KRT82: variants seen among roughly 807,000 people sequenced by gnomAD.
The protein encoded by KRT82 is keratin 82.
Under a neutral mutation model 48.0 loss-of-function variants are expected in KRT82, and 44 were observed. The ratio of observed to expected loss-of-function variants is 0.92; its 90% CI spans 0.72 to 1.18. The LOEUF is 1.18. KRT82 is among the 50% of genes most tolerant of loss of function. The probability of loss-of-function intolerance (pLI) is 0.00; values close to 1 mark genes in which losing one functional copy is unlikely to be tolerated. For synonymous variants in KRT82, 297 were observed against 278.3 expected (o/e 1.07, Z -0.67); for missense variants, 701 against 671.4 (o/e 1.04, Z -0.49).
At chr12:52,402,555 A>G (rs1939803371) in intron 2 of KRT82, 1 of 152,152 alleles carries the variant, frequency 6.6e-6, no homozygotes, top group Non-Finnish European at 1.5e-5. Context: ...GGAATGAGCC[A>G]TTATCCTCCA....
intron 1 of KRT82, 100 bp from the exon 2 acceptor site, chr12:52,404,009 G>T: frequency 1.7e-6 from 2 of 1,155,926 alleles, no homozygotes; most frequent in Non-Finnish European, 2.4e-6. Flanking sequence ...CCCAACACAT[G>T]GCTACCAGTG....
At chr12:52,399,260 C>G (rs1335447063) in intron 5 of KRT82, among the ~76,000 whole-genome samples, 1 of 152,242 alleles carries the variant, frequency 6.6e-6, no homozygotes, top group African/African-American at 2.4e-5. Context: ...ATCCATCACC[C>G]TGCCCCTCCA....
At position 52,395,161 on chromosome 12, in the gene KRT82, C is replaced by G. The variant is rs1732263; in HGVS notation, c.1356G>C (p.Glu452Asp). ...GGACAGGCGTGCTGACCCCACATGG[C>G]TCGTACAGGAAGGCGCCTTTGGAGC... ...VSSSKGAFLYEPCGVSTPVLS... is the reference protein window; with the variant it reads ...VSSSKGAFLYDPCGVSTPVLS... The change falls in exon 9 of 9, where the codon GAG becomes GAC. Residue 452 changes from glutamate to aspartate, a missense_variant. Coordinates refer to ENST00000257974, the MANE Select transcript of KRT82 (RefSeq NM_033033.4). 0.047 allele frequency: 75,662 copies of G among 1,613,878 alleles called. 2,825 individuals carry two copies. Among genetic ancestry groups the G allele is most frequent in the African/African-American group, 0.19 (14,006 of 74,946 alleles).
chr12:52,406,217 A>C lies in KRT82; in HGVS notation c.61T>G (p.Ser21Ala). 3 of 1,612,356 alleles carry C rather than the reference A, an allele frequency of 1.9e-6. No homozygotes were observed. The highest frequency in any genetic ancestry group is 2.5e-6 in the Non-Finnish European group (3 of 1,179,138). ...GTGACCATCCGGGGCATGACAGCCG[A>C]GTATGAGCTGAAACTCTGACTGCCA... The part of the protein sequence containing the change: ...RCGSQSFSSY[S>A]AVMPRMVTHY... Residue 21 changes from serine (S) to alanine (A), a missense_variant, in exon 1 of 9, where the codon TCG (serine) becomes GCG (alanine). Transcript: ENST00000257974.
chr12:52,402,194 A>G (rs1335110152), intron 2 of KRT82: 1 of 152,274 alleles, frequency 6.6e-6, no homozygotes, highest in African/African-American at 2.4e-5. Flanking sequence ...ACATGCATTA[A>G]TACCTGAAGA....
Position 52,395,071 on chromosome 12 carries a change from G to C in KRT82, c.1446C>G (p.Val482=), listed in dbSNP as rs764032800. The change falls in exon 9 of 9, where the codon GTC becomes GTG. Residue 482 remains valine (V), a synonymous_variant. Transcript: ENST00000257974. ...TCAGTAGCCCCTGGGGCTCGCAGGG[G>C]ACATAGAGTTCACCAGTGCCCACGA... ...CSIVGTGELY[V]PCEPQGLLSC... 1.9e-6 allele frequency: 3 copies of C among 1,614,032 alleles called. No individual in the cohort carries two copies. Among genetic ancestry groups the C allele is most frequent in the South Asian group, 2.2e-5 (2 of 91,068 alleles).
chr12:52,397,977 G>A (rs1429481731), intron 5 of KRT82, among the ~76,000 whole-genome samples: 1 of 152,132 alleles, frequency 6.6e-6, no homozygotes, highest in African/African-American at 2.4e-5. Context: ...AACCTGGGAG[G>A]CAGAGGTTGC....
intron 2 of KRT82, chr12:52,402,252 CT>C (rs1259094424): frequency 1.3e-5 from 2 of 152,278 alleles, no homozygotes; most frequent in Non-Finnish European, 2.9e-5. Context: ...AAAGTGTTTG[CT>C]ATTATTCTTA....
intron 4 of KRT82, 45 bp downstream of exon 4, chr12:52,400,482 T>C: frequency 6.8e-7 from 1 of 1,467,424 alleles, no homozygotes; most frequent in Non-Finnish European, 9.6e-7. Flanking sequence ...CTCGATCCCT[T>C]GGCTCCAGCC....
At chr12:52,401,416 A>G (rs1008514496) in intron 2 of KRT82, 67 bp from the exon 3 acceptor site, 10 of 1,530,882 alleles carry the variant, frequency 6.5e-6, no homozygotes, top group Non-Finnish European at 8.1e-6. Context: ...TCTTGGCATC[A>G]GGCCTTTGGG....
In KRT82 at chr12:52,403,833, G is replaced by A. The variant is rs61730590; in HGVS notation, c.488C>T (p.Thr163Ile). The change falls in exon 2 of 9, where the codon ACC becomes ATC. Residue 163 changes from threonine (T) to isoleucine (I), a missense_variant. Thr to Ile is a moderately conservative substitution (Grantham distance 89). Transcript: ENST00000257974. ...NFMQQQRCCQ[T>I]NIEPIFEGYI... ...GCCCTCGAAGATGGGCTCGATGTTG[G>A]TCTGGCAGCACCTCTGCTGCTGCAT... The A allele has an allele frequency of 5.9e-3, 9,559 of 1,613,926 alleles. 34 individuals are homozygous for A. Among genetic ancestry groups the A allele is most frequent in the Non-Finnish European group, 6.7e-3 (7,907 of 1,179,998 alleles).
intron 7 of KRT82, 40 bp downstream of exon 7, chr12:52,395,972 C>A: frequency 6.2e-7 from 1 of 1,612,654 alleles, no homozygotes; most frequent in East Asian, 2.2e-5. Context: ...AATGGCCATA[C>A]CTGGTAGCCC....
chr12:52,401,761 G>T (rs1336344501), intron 2 of KRT82, among the ~76,000 whole-genome samples: 1 of 152,118 alleles, frequency 6.6e-6, no homozygotes, highest in Non-Finnish European at 1.5e-5. Flanking sequence ...CGCTGGGAGG[G>T]TTCAGAGCCT....
chr12:52,397,914 G>A (rs1939735919), intron 5 of KRT82, among the ~76,000 whole-genome samples: 2 of 152,136 alleles, frequency 1.3e-5, no homozygotes, highest in African/African-American at 4.8e-5. Flanking sequence ...GAGTATGGTG[G>A]TGCATGCTTA....
chr12:52,402,820 C>A (rs920496573), intron 2 of KRT82, among the ~76,000 whole-genome samples: 1 of 152,206 alleles, frequency 6.6e-6, no homozygotes, highest in Non-Finnish European at 1.5e-5. Context: ...CTGACCCAAA[C>A]CCTTATGACC....
At chr12:52,399,334 T>A (rs1049945210) in intron 5 of KRT82, among the ~76,000 whole-genome samples, 6 of 152,246 alleles carry the variant, frequency 3.9e-5, no homozygotes, top group African/African-American at 1.4e-4. Context: ...GACTAGTGTC[T>A]GTTCTGTTCC....
At chr12:52,404,930 C>T (rs936815819) in intron 1 of KRT82, among the ~76,000 whole-genome samples, 2 of 152,176 alleles carry the variant, frequency 1.3e-5, no homozygotes, top group Non-Finnish European at 2.9e-5. Context: ...CCGGGGATTC[C>T]GGGTGTAGGA....
At position 52,395,177 on chromosome 12, in the gene KRT82, C is replaced by A; in HGVS notation, c.1340G>T (p.Gly447Val). Residue 447 changes from glycine to valine, a missense_variant, in exon 9 of 9, where the codon GGC (glycine) becomes GTC (valine). Coordinates refer to ENST00000257974, the MANE Select transcript of KRT82 (RefSeq NM_033033.4). Reference protein sequence around the residue: ...PVNISVSSSKGAFLYEPCGVS... With the variant: ...PVNISVSSSKVAFLYEPCGVS... ...CCCACATGGCTCGTACAGGAAGGCGCCTTTGGAGCTGCTCACTGCTGTGGG... is the reference window on the plus strand; with the variant it reads ...CCCACATGGCTCGTACAGGAAGGCGACTTTGGAGCTGCTCACTGCTGTGGG... The A allele has an allele frequency of 6.2e-7, 1 of 1,613,860 alleles. No individual in the cohort carries two copies. The highest frequency in any genetic ancestry group is 8.5e-7 in the Non-Finnish European group (1 of 1,179,922).
chr12:52,400,596 C>T lies in KRT82; in HGVS notation c.708G>A (p.Lys236=), dbSNP rs1433262709. The part of the protein sequence containing the change: ...KKDVDTAFLM[K]ADLETNAEAL... ...CCTCTGCGTTGGTCTCCAGGTCAGC[C>T]TTCATCAGGAAGGCTGTGTCCACGT... The change falls in exon 4 of 9, where the codon AAG becomes AAA. Residue 236 remains lysine, a synonymous_variant. Transcript: ENST00000257974. The T allele has an allele frequency of 5.0e-6, 8 of 1,613,876 alleles. No individual in the cohort carries two copies. In the Admixed American group the frequency reaches 1.2e-4, roughly 24 times the overall value.
Sources: allele counts gnomAD v4.1 joint callset (sites outside exome capture counted in the v4.1 genomes callset), GRCh38; gene constraint gnomAD v4.1.1; transcripts MANE v1.5; gene names NCBI Gene and HGNC (gene_info 2026-07-23, HGNC 2026-07-21).